Variants in BICDL1 observed in about 807,000 individuals in gnomAD.
BICDL1 encodes BICD family-like cargo adapter 1.
A neutral mutation model predicts 76.8 loss-of-function variants in BICDL1; 20 were observed. That is an observed-to-expected ratio of 0.26 (90% CI 0.18 to 0.38). The LOEUF is 0.38. Among genes scored for constraint, BICDL1 ranks in the 10% least tolerant of loss-of-function variants. The pLI is 1.00. For synonymous variants in BICDL1, 383 were observed against 337.1 expected (o/e 1.14, Z -1.49); for missense variants, 700 against 798.6 (o/e 0.88, Z 1.49).
In BICDL1 at chr12:120,071,609, C is replaced by A; in HGVS notation, c.910-13C>A. ...GTTTGGTAAACCTCAACCATTTGCT[C>A]TTTCTTTGAAAGCTGCACCAAAGCC... On this transcript the variant is annotated splice_polypyrimidine_tract_variant and intron_variant, in intron 4 of 9. Coordinates refer to ENST00000548673, the MANE Select transcript of BICDL1 (RefSeq NM_001367886.1). The surrounding 1 kb of genome is among the most constrained non-coding windows in gnomAD (Gnocchi z 4.8). 6.3e-7 allele frequency: 1 copy of A among 1,596,288 alleles called. No individual in the cohort carries two copies. The highest frequency in any genetic ancestry group is 1.1e-5 in the South Asian group (1 of 88,632).
intron 2 of BICDL1, among the ~76,000 whole-genome samples, chr12:120,030,055 A>G (rs940905309): frequency 3.9e-5 from 6 of 152,222 alleles, no homozygotes; most frequent in African/African-American, 1.4e-4. Flanking sequence ...TATTCAGCGT[A>G]CAACATGATG....
At chr12:120,033,885 G>T (rs1370306889) in intron 2 of BICDL1, among the ~76,000 whole-genome samples, 2 of 152,128 alleles carry the variant, frequency 1.3e-5, no homozygotes, top group African/African-American at 4.8e-5. Context: ...GCATCCCTCT[G>T]TCACCAGTGC....
In BICDL1 at chr12:120,094,244, GCTCACAACCGATTCAGT is replaced by G. The variant is rs1875232069; in HGVS notation, c.*1087_*1103del. 2.2e-6 allele frequency: 1 copy of G among 456,646 alleles called. No individual in the cohort carries two copies. The highest frequency in any genetic ancestry group is 4.4e-6 in the Non-Finnish European group (1 of 226,988). 28.3% of individuals were successfully genotyped at this position (456,646 alleles called of 1,614,324 possible). The stretch of plus-strand genomic sequence containing the variant: ...TCCGCGGCCCGGCCAGCCCTCAGCT[GCTCACAACCGATTCAGT>G]CTCCCTCCCTCCCTCACGTGGGGAA... On this transcript the variant is annotated 3_prime_UTR_variant, in exon 10 of 10. Coordinates refer to ENST00000548673, the MANE Select transcript of BICDL1 (RefSeq NM_001367886.1).
chr12:120,033,679 G>A (rs1311624713), intron 2 of BICDL1, among the ~76,000 whole-genome samples: 4 of 152,008 alleles, frequency 2.6e-5, no homozygotes, highest in East Asian at 3.9e-4. Flanking sequence ...GAGCCACTGC[G>A]GCCGGCTGAG....
intron 2 of BICDL1, among the ~76,000 whole-genome samples, chr12:120,038,236 G>T (rs1952564142): frequency 6.6e-6 from 1 of 152,164 alleles, no homozygotes; most frequent in Admixed American, 6.5e-5. Flanking sequence ...GTTACCTTCA[G>T]TTTGCGCAAA....
intron 2 of BICDL1, among the ~76,000 whole-genome samples, chr12:120,013,313 C>CAAAA (rs202156339): frequency 7.8e-6 from 1 of 128,262 alleles, no homozygotes; most frequent in African/African-American, 2.7e-5. Context: ...GACTCCATCT[C>CAAAA]AAAAAAAAAA....
At position 120,024,876 on chromosome 12, in the gene BICDL1, C is replaced by T. The variant is rs1018222469; in HGVS notation, c.645+26140C>T. Among the ~76,000 whole-genome samples the T allele has an allele frequency of 2.6e-5, 4 of 151,844 alleles. 1 individual carries two copies. The highest frequency in any genetic ancestry group is 9.7e-5 in the African/African-American group (4 of 41,324). On this transcript the variant is annotated intron_variant, in intron 2 of 9. Transcript: ENST00000548673. ...TATTTTTAGTAAAGACGGATTTTCA[C>T]CATGTTGGCCAGACTGGTTTCGAAC...
At chr12:120,033,804 A>T (rs989672613) in intron 2 of BICDL1, among the ~76,000 whole-genome samples, 2 of 152,172 alleles carry the variant, frequency 1.3e-5, no homozygotes, top group African/African-American at 4.8e-5. Flanking sequence ...TAAGCTTGAT[A>T]GATTTAGGTC....
intron 4 of BICDL1, among the ~76,000 whole-genome samples, chr12:120,066,716 A>G (rs186290664): frequency 1.3e-5 from 2 of 152,346 alleles, no homozygotes; most frequent in East Asian, 1.9e-4. Flanking sequence ...ATTTATCATT[A>G]TAGTCCTTCA....
chr12:119,993,565 A>G (rs1486653338), intron 1 of BICDL1, among the ~76,000 whole-genome samples: 2 of 151,932 alleles, frequency 1.3e-5, no homozygotes, highest in Non-Finnish European at 2.9e-5. Flanking sequence ...TCCGCTCTTG[A>G]ATTGACTCTG....
chr12:120,075,213 T>C (rs1267486385), intron 7 of BICDL1, among the ~76,000 whole-genome samples: 1 of 152,116 alleles, frequency 6.6e-6, no homozygotes, highest in Non-Finnish European at 1.5e-5. Context: ...TGGTCATGTG[T>C]AGAGGTTCTG....
intron 2 of BICDL1, among the ~76,000 whole-genome samples, chr12:120,013,032 C>T (rs546062789): frequency 2.0e-5 from 3 of 152,198 alleles, no homozygotes; most frequent in Admixed American, 6.5e-5. Context: ...GCCTGTGGGC[C>T]GGTAATGGTG....
chr12:120,004,773 C>G (rs539254424), intron 2 of BICDL1, among the ~76,000 whole-genome samples: 2 of 152,270 alleles, frequency 1.3e-5, no homozygotes, highest in African/African-American at 4.8e-5. Flanking sequence ...AGTAGATATT[C>G]AGAAATTCTA....
At chr12:120,089,866 T>C in intron 8 of BICDL1, 85 bp from the exon 9 acceptor site, 1 of 1,522,598 alleles carries the variant, frequency 6.6e-7, no homozygotes, top group South Asian at 1.2e-5. Flanking sequence ...TGTTTCCTCA[T>C]CCTGGGACTC....
chr12:120,006,022 C>T (rs1389600487), intron 2 of BICDL1, among the ~76,000 whole-genome samples: 6 of 152,194 alleles, frequency 3.9e-5, no homozygotes, highest in Non-Finnish European at 7.3e-5. Flanking sequence ...AGTCTATACT[C>T]TCCTCATATC....
At chr12:120,091,363 T>C (rs1874951927) in intron 9 of BICDL1, 1 of 1,006,182 alleles carries the variant, frequency 9.9e-7, no homozygotes, top group Non-Finnish European at 1.2e-6. Flanking sequence ...AAAAATGAAG[T>C]TTTCAGTGTG....
Position 120,074,587 on chromosome 12 carries a change from G to T in BICDL1, c.1452+1G>T, listed in dbSNP as rs1374492827. On this transcript the variant is annotated splice_donor_variant, in intron 7 of 9. Coordinates refer to ENST00000548673, the MANE Select transcript of BICDL1 (RefSeq NM_001367886.1). LOFTEE classifies it high-confidence loss of function. ...AGAGCTGCAGCGACTCCACAGTCAG[G>T]TGAGCACCCCAACCTTCAGTTCAGT... 1 of 1,218,968 alleles carries T rather than the reference G, an allele frequency of 8.2e-7. No individual in the cohort carries two copies. The highest frequency in any genetic ancestry group is 1.0e-6 in the Non-Finnish European group (1 of 954,250). 75.5% of individuals were successfully genotyped at this position (1,218,968 alleles called of 1,614,324 possible). A position where few individuals can be genotyped will look rare whatever the true frequency, so the allele number is the denominator to read the frequency against.
At chr12:120,088,243 G>C (rs1874599806) in intron 8 of BICDL1, among the ~76,000 whole-genome samples, 1 of 152,180 alleles carries the variant, frequency 6.6e-6, no homozygotes, top group South Asian at 2.1e-4. Flanking sequence ...GACACAGGCA[G>C]TTTTTGTTTT....
chr12:119,998,284 CATA>C (rs1951692572), intron 1 of BICDL1, among the ~76,000 whole-genome samples: 1 of 152,148 alleles, frequency 6.6e-6, no homozygotes, highest in South Asian at 2.1e-4. Context: ...TAAGAATAAA[CATA>C]ATAACTTTAA....
Sources: allele counts gnomAD v4.1 joint callset (sites outside exome capture counted in the v4.1 genomes callset), GRCh38; gene constraint gnomAD v4.1.1; non-coding constraint Gnocchi (gnomAD v3.1); transcripts MANE v1.5; gene names NCBI Gene and HGNC (gene_info 2026-07-23, HGNC 2026-07-21).